CFH: variants seen among roughly 807,000 people sequenced by gnomAD.
CFH encodes the protein H factor 1 (complement).
CFH carries 53 observed loss-of-function variants against 147.3 expected under a neutral mutation model. The observed-to-expected ratio is 0.36, with a 90% CI of 0.29 to 0.45. CFH has a LOEUF of 0.45. Ranked by LOEUF, CFH falls within the 20% of genes least tolerant of loss-of-function variation. The pLI, the probability that CFH is intolerant of heterozygous loss-of-function variation, is 1.00. For synonymous variants in CFH, 536 were observed against 489.4 expected (o/e 1.10, Z -1.26); for missense variants, 1,380 against 1,498.0 (o/e 0.92, Z 1.30).
At chr1:196,714,705 A>AGAGAGAGAGAGG (rs1668824555) in intron 10 of CFH, among the ~76,000 whole-genome samples, 3 of 128,706 alleles carry the variant, frequency 2.3e-5, no homozygotes, top group Non-Finnish European at 5.0e-5. Flanking sequence ...AGAGAGAGAG[A>AGAGAGAGAGAGG]GAGAGAGAGA....
At chr1:196,738,401 G>A (rs1227122962) in intron 17 of CFH, among the ~76,000 whole-genome samples, 1 of 152,122 alleles carries the variant, frequency 6.6e-6, no homozygotes, top group Non-Finnish European at 1.5e-5. Context: ...GACAAGGCAA[G>A]TCCTCTCTGC....
intron 1 of CFH, among the ~76,000 whole-genome samples, chr1:196,655,851 AAGAT>A (rs1388779452): frequency 2.0e-5 from 3 of 152,366 alleles, no homozygotes; most frequent in Admixed American, 2.0e-4. Flanking sequence ...GAGTCATAAA[AAGAT>A]AGCTCAGAGG....
intron 11 of CFH, among the ~76,000 whole-genome samples, chr1:196,717,058 G>A (rs1264761094): frequency 1.3e-5 from 2 of 151,954 alleles, no homozygotes; most frequent in Non-Finnish European, 2.9e-5. Context: ...GCAATAGATA[G>A]TAAAGAAAAT....
chr1:196,704,994 A>G (rs151032575), intron 9 of CFH, among the ~76,000 whole-genome samples: 68 of 152,306 alleles, frequency 4.5e-4, no homozygotes, highest in African/African-American at 1.6e-3. Context: ...TTGAATAGGA[A>G]GACTCTGACA....
At chr1:196,712,216 C>T (rs1558172218) in intron 9 of CFH, among the ~76,000 whole-genome samples, 1 of 151,940 alleles carries the variant, frequency 6.6e-6, no homozygotes, top group Non-Finnish European at 1.5e-5. Context: ...GTGGCAAGAA[C>T]TCTGTTTTAC....
chr1:196,680,921 G>C (rs1667629540), intron 6 of CFH, among the ~76,000 whole-genome samples: 1 of 151,794 alleles, frequency 6.6e-6, no homozygotes, highest in Admixed American at 6.6e-5. Context: ...TTTAGGCACT[G>C]TTAAGAGAAT....
In CFH at chr1:196,732,490, C is replaced by T. The variant is rs80048678; in HGVS notation, c.2413+3968C>T. 2.0e-5 allele frequency among the ~76,000 whole-genome samples: 3 copies of T among 152,032 alleles called. No individual in the cohort carries two copies. In the South Asian group the frequency reaches 6.2e-4, roughly 32 times the overall value. On this transcript the variant is annotated intron_variant, in intron 15 of 21. Transcript: ENST00000367429. Reference sequence around the variant, plus strand: ...CTTCCCTCAGGTCAATTTCTGGAGACTCATCTTGTTCTTTTGTTTGGAGTT... The same window carrying T: ...CTTCCCTCAGGTCAATTTCTGGAGATTCATCTTGTTCTTTTGTTTGGAGTT...
intron 1 of CFH, 85 bp from the exon 2 acceptor site, chr1:196,672,893 G>T (rs941222340): frequency 7.4e-6 from 8 of 1,088,266 alleles, no homozygotes; most frequent in Non-Finnish European, 6.8e-6. Context: ...GACTGTCTAG[G>T]CATTTTTAAA....
At position 196,673,037 on chromosome 1, in the gene CFH, C is replaced by T; in HGVS notation, c.118C>T (p.Gln40Ter). Residue 40 changes from glutamine to a stop codon, truncating the protein, a stop_gained, in exon 2 of 22, where the codon CAA becomes TAA. Transcript: ENST00000367429. LOFTEE classifies it high-confidence loss of function. ...TEILTGSWSDQTYPEGTQAIY... is the reference protein window; with the variant it reads ...TEILTGSWSD ...AATTCTGACAGGTTCCTGGTCTGAC[C>T]AAACATATCCAGAAGGCACCCAGGC... is the stretch of plus-strand genomic sequence containing the variant. 6.2e-7 allele frequency: 1 copy of T among 1,614,010 alleles called. No homozygotes were observed. The highest frequency in any genetic ancestry group is 8.5e-7 in the Non-Finnish European group (1 of 1,179,954).
intron 1 of CFH, among the ~76,000 whole-genome samples, chr1:196,667,241 G>T (rs73071802): frequency 0.045 from 6,792 of 152,208 alleles, 522 homozygotes; most frequent in African/African-American, 0.15. Context: ...TGTAAAATTT[G>T]CTGAGTTTCA....
intron 1 of CFH, among the ~76,000 whole-genome samples, chr1:196,659,128 C>T (rs1666820900): frequency 1.3e-5 from 2 of 152,122 alleles, no homozygotes; most frequent in Non-Finnish European, 2.9e-5. Flanking sequence ...AATTTGTATG[C>T]ATCCTATTTA....
chr1:196,742,616 T>C (rs1004126239), intron 19 of CFH, among the ~76,000 whole-genome samples: 4 of 152,294 alleles, frequency 2.6e-5, no homozygotes, highest in African/African-American at 9.6e-5. Context: ...ATCATCATCT[T>C]CTTGGAGATT....
At chr1:196,729,957 GTTTC>G (rs1489747302) in intron 15 of CFH, among the ~76,000 whole-genome samples, 1 of 151,388 alleles carries the variant, frequency 6.6e-6, no homozygotes, top group East Asian at 1.9e-4. Flanking sequence ...CCGATCTTGT[GTTTC>G]TTTAAGCCGT....
At chr1:196,675,245 T>G (rs1251623970) in intron 3 of CFH, among the ~76,000 whole-genome samples, 1 of 152,102 alleles carries the variant, frequency 6.6e-6, no homozygotes, top group Admixed American at 6.6e-5. Flanking sequence ...CATATTCAAG[T>G]AGAGCATTTT....
At chr1:196,739,357 C>A (rs1652724561) in intron 17 of CFH, among the ~76,000 whole-genome samples, 1 of 152,196 alleles carries the variant, frequency 6.6e-6, no homozygotes, top group Non-Finnish European at 1.5e-5. Context: ...ACAAGCTGCA[C>A]ATTTTCCAAA....
At chr1:196,718,347 G>C (rs939168887) in intron 11 of CFH, among the ~76,000 whole-genome samples, 6 of 152,134 alleles carry the variant, frequency 3.9e-5, no homozygotes, top group African/African-American at 1.4e-4. Context: ...AGGAACTGGA[G>C]ATCTGTTTTA....
chr1:196,687,336 C>T (rs1263276491), intron 7 of CFH, among the ~76,000 whole-genome samples: 1 of 151,904 alleles, frequency 6.6e-6, no homozygotes, highest in African/African-American at 2.4e-5. Context: ...TCTGTGGGTA[C>T]TAATATTTGC....
intron 18 of CFH, 48 bp from the exon 19 acceptor site, chr1:196,741,827 C>A (rs1652816517): frequency 1.3e-6 from 2 of 1,548,026 alleles, no homozygotes; most frequent in Non-Finnish European, 1.8e-6. Context: ...TTGTATGTAA[C>A]CTATTTTTAA....
chr1:196,725,591 T>C (rs1488248973), intron 12 of CFH, among the ~76,000 whole-genome samples: 2 of 152,190 alleles, frequency 1.3e-5, no homozygotes, highest in African/African-American at 4.8e-5. Flanking sequence ...GGATGATTTG[T>C]AAAAATGTTT....
Sources: allele counts gnomAD v4.1 joint callset (sites outside exome capture counted in the v4.1 genomes callset), GRCh38; gene constraint gnomAD v4.1.1; transcripts MANE v1.5; gene names NCBI Gene and HGNC (gene_info 2026-07-23, HGNC 2026-07-21).